MPZL1: variants seen among roughly 807,000 people sequenced by gnomAD.
MPZL1 encodes the protein myelin protein zero like 1, also known as myelin protein zero-like protein 1.
MPZL1 carries 16 observed loss-of-function variants against 29.3 expected under a neutral mutation model. The ratio of observed to expected loss-of-function variants is 0.55; its 90% CI spans 0.37 to 0.83. MPZL1 has a LOEUF of 0.83. Ranked by LOEUF, MPZL1 falls within the 40% of genes least tolerant of loss-of-function variation. The pLI, the probability that MPZL1 is intolerant of heterozygous loss-of-function variation, is 0.00. For missense variants in MPZL1, 279 were observed against 332.9 expected, an observed-to-expected ratio of 0.84 and a Z score of 1.26; for synonymous variants, 143 against 132.0, an observed-to-expected ratio of 1.08 and a Z score of -0.57.
At chr1:167,775,463 A>G (rs1661346501) in intron 4 of MPZL1, among the ~76,000 whole-genome samples, 1 of 152,204 alleles carries the variant, frequency 6.6e-6, no homozygotes, top group East Asian at 1.9e-4. Flanking sequence ...GTCACCGTGA[A>G]AAGGTTCAGC....
chr1:167,774,011 C>T (rs966971781), intron 4 of MPZL1: 1 of 152,596 alleles, frequency 6.6e-6, no homozygotes, highest in Admixed American at 6.5e-5. Context: ...AGTTCCCCTA[C>T]CCCACTCCAA....
intron 1 of MPZL1, among the ~76,000 whole-genome samples, chr1:167,741,686 A>G (rs945721053): frequency 1.3e-5 from 2 of 151,962 alleles, no homozygotes; most frequent in African/African-American, 4.8e-5. Flanking sequence ...TCCATTTTCT[A>G]CATAGCAGCA....
intron 1 of MPZL1, among the ~76,000 whole-genome samples, chr1:167,728,361 T>C (rs185330392): frequency 1.2e-3 from 150 of 126,706 alleles, no homozygotes; most frequent in Middle Eastern, 3.8e-3. Context: ...TTTCTTTCTT[T>C]CTTTTTTTTT....
At chr1:167,776,857 A>G in intron 5 of MPZL1, among the ~76,000 whole-genome samples, 1 of 152,238 alleles carries the variant, frequency 6.6e-6, no homozygotes, top group East Asian at 1.9e-4. Flanking sequence ...TTGGCCAGTT[A>G]TAGCTTTGTC....
intron 1 of MPZL1, among the ~76,000 whole-genome samples, chr1:167,742,249 T>C (rs192178894): frequency 6.6e-6 from 1 of 152,016 alleles, no homozygotes; most frequent in East Asian, 1.9e-4. Context: ...GCAGAGATCA[T>C]GCCACTGCAC....
rs184156606 is a variant in MPZL1, at chr1:167,744,987, G to A, written c.92-20596G>A. On this transcript the variant is annotated intron_variant, in intron 1 of 5. Coordinates refer to ENST00000359523, the MANE Select transcript of MPZL1 (RefSeq NM_003953.6). ...GATGATACCATATGTGCACCAGGAC[G>A]GTACGAAAAGGGTTTATGACTCACT... Among the ~76,000 whole-genome samples, 26 of 152,256 alleles carry A rather than the reference G, an allele frequency of 1.7e-4. No homozygotes were observed. In the East Asian group the frequency reaches 3.7e-3, roughly 21 times the overall value.
intron 5 of MPZL1, among the ~76,000 whole-genome samples, chr1:167,782,387 G>T (rs1006320707): frequency 6.6e-6 from 1 of 152,066 alleles, no homozygotes; most frequent in Non-Finnish European, 1.5e-5. Context: ...TCTTGCTAAT[G>T]GTGGCTATTT....
intron 1 of MPZL1, among the ~76,000 whole-genome samples, chr1:167,734,289 C>T (rs923018313): frequency 6.6e-6 from 1 of 152,090 alleles, no homozygotes; most frequent in Non-Finnish European, 1.5e-5. Context: ...CTGTAACACT[C>T]CAGTCTCCCT....
intron 1 of MPZL1, among the ~76,000 whole-genome samples, chr1:167,764,727 G>A (rs1348831778): frequency 6.6e-6 from 1 of 151,890 alleles, no homozygotes; most frequent in Non-Finnish European, 1.5e-5. Flanking sequence ...TAGACCATCA[G>A]GGAAGCCACC....
intron 1 of MPZL1, among the ~76,000 whole-genome samples, chr1:167,753,630 CTT>C (rs35276060): frequency 4.5e-4 from 66 of 145,974 alleles, no homozygotes; most frequent in East Asian, 8.1e-4. Flanking sequence ...ACTTGAATTT[CTT>C]TTTTTTTTTT....
chr1:167,784,278 C>T (rs1473037406), intron 5 of MPZL1, among the ~76,000 whole-genome samples: 1 of 152,166 alleles, frequency 6.6e-6, no homozygotes, highest in Non-Finnish European at 1.5e-5. Flanking sequence ...AAGGCCTATT[C>T]ATGCAGAAAG....
In MPZL1 at chr1:167,747,608, A is replaced by G. The variant is rs114667497; in HGVS notation, c.92-17975A>G. ...ATACATGATAAAAAGTCTTCCTCCT[A>G]GTCCCCTGTCCCTTTGCTGAGGAAC... On this transcript the variant is annotated intron_variant, in intron 1 of 5. Coordinates refer to ENST00000359523, the MANE Select transcript of MPZL1 (RefSeq NM_003953.6). Among the ~76,000 whole-genome samples, 752 of 152,318 alleles carry G rather than the reference A, an allele frequency of 4.9e-3. 6 individuals are homozygous for G. The highest frequency in any genetic ancestry group is 0.017 in the African/African-American group (723 of 41,562).
chr1:167,776,464 TAA>T (rs779248832), intron 5 of MPZL1, among the ~76,000 whole-genome samples: 5 of 152,334 alleles, frequency 3.3e-5, no homozygotes, highest in Non-Finnish European at 7.4e-5. Context: ...GCTTTGTCAG[TAA>T]AAGATTCTTT....
intron 1 of MPZL1, among the ~76,000 whole-genome samples, chr1:167,741,218 C>T (rs187763189): frequency 8.8e-5 from 11 of 125,520 alleles, no homozygotes; most frequent in Admixed American, 2.7e-4. Context: ...ATGGGGGTTT[C>T]GCTATGTTGT....
At chr1:167,750,017 T>C (rs1308624672) in intron 1 of MPZL1, among the ~76,000 whole-genome samples, 1 of 152,266 alleles carries the variant, frequency 6.6e-6, no homozygotes, top group Non-Finnish European at 1.5e-5. Context: ...AGTTACATTA[T>C]GTTCCTAATG....
chr1:167,724,856 A>G (rs945614862), intron 1 of MPZL1, among the ~76,000 whole-genome samples: 3 of 152,172 alleles, frequency 2.0e-5, no homozygotes, highest in Non-Finnish European at 4.4e-5. Context: ...CATCCAGGGA[A>G]AATGCACTGA....
chr1:167,781,341 A>G (rs1661493240), intron 5 of MPZL1, among the ~76,000 whole-genome samples: 2 of 152,150 alleles, frequency 1.3e-5, no homozygotes, highest in Admixed American at 1.3e-4. Context: ...AATATAGACC[A>G]TATTCTGGTT....
At chr1:167,782,818 C>T (rs1306952223) in intron 5 of MPZL1, among the ~76,000 whole-genome samples, 3 of 152,060 alleles carry the variant, frequency 2.0e-5, no homozygotes, top group Admixed American at 6.6e-5. Context: ...ATACTGCTGA[C>T]TTTAAAGATG....
At chr1:167,778,131 A>C (rs1661411249) in intron 5 of MPZL1, among the ~76,000 whole-genome samples, 1 of 152,006 alleles carries the variant, frequency 6.6e-6, no homozygotes, top group Admixed American at 6.5e-5. Flanking sequence ...GACCAACTTG[A>C]CCAACATGGT....
Sources: allele counts gnomAD v4.1 joint callset (sites outside exome capture counted in the v4.1 genomes callset), GRCh38; gene constraint gnomAD v4.1.1; transcripts MANE v1.5; gene names NCBI Gene and HGNC (gene_info 2026-07-23, HGNC 2026-07-21).